The following CXCL13 variants were observed in gnomAD, a reference collection of about 807,000 sequenced individuals.
CXCL13 encodes the protein C-X-C motif chemokine ligand 13, also known as C-X-C motif chemokine 13.
In CXCL13, 7 loss-of-function variants were observed where a neutral mutation model predicts 12.2. The ratio of observed to expected loss-of-function variants is 0.57; its 90% confidence interval spans 0.33 to 1.07. CXCL13 has a LOEUF of 1.07. Ranked by LOEUF, CXCL13 falls within the 50% of genes least tolerant of loss-of-function variation. The probability of loss-of-function intolerance (pLI) is 0.04; values close to 1 mark genes in which losing one functional copy is unlikely to be tolerated. For synonymous variants in CXCL13, 47 were observed against 42.4 expected (o/e 1.11, Z -0.42); for missense variants, 113 against 127.4 (o/e 0.89, Z 0.55).
chr4:77,559,909 G>A (rs1322437102), intron 1 of CXCL13, among the ~76,000 whole-genome samples: 9 of 127,754 alleles, frequency 7.0e-5, no homozygotes, highest in Admixed American at 2.4e-4. Flanking sequence ...GTGAGAGAGC[G>A]AGACTCCATC....
intron 1 of CXCL13, among the ~76,000 whole-genome samples, chr4:77,580,309 T>C (rs1243893845): frequency 1.7e-5 from 1 of 59,362 alleles, no homozygotes; most frequent in Non-Finnish European, 3.1e-5. Context: ...GTTTTCTTTC[T>C]TTTTTTTTTT....
intron 1 of CXCL13, among the ~76,000 whole-genome samples, chr4:77,555,116 T>C (rs1246639108): frequency 2.0e-5 from 3 of 151,756 alleles, no homozygotes; most frequent in African/African-American, 7.3e-5. Context: ...AATATTTAAT[T>C]AACAGGAAAA....
intron 3 of CXCL13, 49 bp from the exon 4 acceptor site, chr4:77,610,939 C>T (rs961196391): frequency 6.6e-7 from 1 of 1,522,308 alleles, no homozygotes. Context: ...GCCACAGTTT[C>T]TTGTGTTTCT....
At chr4:77,528,957 A>G (rs184432977) in intron 1 of CXCL13, among the ~76,000 whole-genome samples, 5,790 of 152,274 alleles carry the variant, frequency 0.038, 366 homozygotes, top group African/African-American at 0.13. Context: ...ATTTTTGTAT[A>G]AGGTGTAAGG....
At chr4:77,519,639 A>G (rs561670378) in intron 1 of CXCL13, among the ~76,000 whole-genome samples, 2 of 152,290 alleles carry the variant, frequency 1.3e-5, no homozygotes, top group South Asian at 2.1e-4. Context: ...GGTCAATTGC[A>G]AAAGTTTTCT....
intron 1 of CXCL13, among the ~76,000 whole-genome samples, chr4:77,586,126 A>G (rs111258992): frequency 3.9e-5 from 6 of 152,254 alleles, no homozygotes; most frequent in African/African-American, 1.2e-4. Context: ...GTATAGTTGC[A>G]TGAGAAAAAA....
intron 1 of CXCL13, among the ~76,000 whole-genome samples, chr4:77,529,929 C>T (rs1472412567): frequency 6.6e-6 from 1 of 152,104 alleles, no homozygotes; most frequent in Non-Finnish European, 1.5e-5. Context: ...AAATAGCTCT[C>T]ATTATTTTGA....
chr4:77,557,562 C>A (rs1264528141), intron 1 of CXCL13, among the ~76,000 whole-genome samples: 1 of 152,352 alleles, frequency 6.6e-6, no homozygotes, highest in East Asian at 1.9e-4. Context: ...CTCCACAATT[C>A]TCTGCAAGTC....
intron 1 of CXCL13, among the ~76,000 whole-genome samples, chr4:77,543,372 GAGTTT>G (rs1725253715): frequency 6.6e-6 from 1 of 151,906 alleles, no homozygotes; most frequent in African/African-American, 2.4e-5. Flanking sequence ...GTACTGCTCT[GAGTTT>G]AGTTCTTTTC....
intron 1 of CXCL13, among the ~76,000 whole-genome samples, chr4:77,557,331 G>A (rs1393676174): frequency 1.3e-5 from 2 of 152,176 alleles, no homozygotes; most frequent in Non-Finnish European, 2.9e-5. Context: ...AATCATCCCA[G>A]TGTACACTTG....
At chr4:77,576,276 C>T (rs1453607215) in intron 1 of CXCL13, among the ~76,000 whole-genome samples, 2 of 152,120 alleles carry the variant, frequency 1.3e-5, no homozygotes, top group African/African-American at 2.4e-5. Flanking sequence ...TGGAACATTG[C>T]TGATCCTTGC....
intron 1 of CXCL13, among the ~76,000 whole-genome samples, chr4:77,552,953 C>T (rs925425558): frequency 1.1e-4 from 16 of 152,174 alleles, no homozygotes; most frequent in African/African-American, 2.7e-4. Flanking sequence ...GAGAAGGCCC[C>T]GCTGCACCAC....
At chr4:77,547,281 T>G (rs1277820097) in intron 1 of CXCL13, among the ~76,000 whole-genome samples, 1 of 152,214 alleles carries the variant, frequency 6.6e-6, no homozygotes, top group African/African-American at 2.4e-5. Context: ...TTCCTGGATA[T>G]CCTTGTTAAT....
intron 1 of CXCL13, among the ~76,000 whole-genome samples, chr4:77,528,311 T>C (rs1724819407): frequency 6.6e-6 from 1 of 152,206 alleles, no homozygotes; most frequent in African/African-American, 2.4e-5. Context: ...GATTGCTGGG[T>C]CAAATGGTAT....
Position 77,571,809 on chromosome 4 carries a change from T to C in CXCL13, c.-42-34015T>C, listed in dbSNP as rs148324863. Among the ~76,000 whole-genome samples the C allele has an allele frequency of 1.2e-3, 182 of 151,818 alleles. 4 individuals carry two copies. The East Asian group carries it at 0.026, about 22-fold the overall frequency. ...CTTTGCAATAAATCTTGCTACTGCT[T>C]AGTCTTTGGGTCCACGCTGCTTTTA... On this transcript the variant is annotated intron_variant, in intron 1 of 4. Transcript: ENST00000286758.
chr4:77,560,943 T>C (rs921300895), intron 1 of CXCL13, among the ~76,000 whole-genome samples: 3 of 152,210 alleles, frequency 2.0e-5, no homozygotes, highest in Non-Finnish European at 4.4e-5. Flanking sequence ...TATATATTTG[T>C]CACTCTGCAC....
At position 77,557,089 on chromosome 4, in the gene CXCL13, AAAAC is replaced by A. The variant is rs550768029; in HGVS notation, c.-43+45309_-43+45312del. Among the ~76,000 whole-genome samples, 15 of 152,326 alleles carry A rather than the reference AAAAC, an allele frequency of 9.8e-5. No individual in the cohort carries two copies. The East Asian group carries it at 2.9e-3, about 29-fold the overall frequency. ...GAAACAAGGAGAGAAAGGAAGAAAC[AAAAC>A]AAACAAAATCCCATTATTTTCCTGA... On this transcript the variant is annotated intron_variant, in intron 1 of 4. Coordinates refer to the CXCL13 transcript ENST00000286758.
At chr4:77,532,428 T>C (rs1055897163) in intron 1 of CXCL13, among the ~76,000 whole-genome samples, 1 of 152,260 alleles carries the variant, frequency 6.6e-6, no homozygotes, top group Admixed American at 6.5e-5. Flanking sequence ...GTTAGTCTGA[T>C]GGGCTTCCCT....
intron 1 of CXCL13, among the ~76,000 whole-genome samples, chr4:77,540,327 AT>A (rs1725169273): frequency 6.6e-6 from 1 of 152,112 alleles, no homozygotes; most frequent in African/African-American, 2.4e-5. Context: ...ATATGGCATG[AT>A]GTTGAGTTTT....
Sources: allele counts gnomAD v4.1 joint callset (sites outside exome capture counted in the v4.1 genomes callset), GRCh38; gene constraint gnomAD v4.1.1; transcripts MANE v1.5; gene names NCBI Gene and HGNC (gene_info 2026-07-23, HGNC 2026-07-21).